Variants in GNA12 observed in about 807,000 individuals in gnomAD.
The protein encoded by GNA12 is G protein subunit alpha 12, also known as guanine nucleotide-binding protein subunit alpha-12.
A neutral mutation model predicts 26.0 loss-of-function variants in GNA12; 9 were observed. The ratio of observed to expected loss-of-function variants is 0.35; its 90% confidence interval spans 0.21 to 0.60. GNA12 has a LOEUF of 0.60. Among genes scored for constraint, GNA12 ranks in the 20% least tolerant of loss-of-function variants. The probability of loss-of-function intolerance (pLI) is 0.78; values close to 1 mark genes in which losing one functional copy is unlikely to be tolerated. For synonymous variants in GNA12, 264 were observed against 219.6 expected (o/e 1.20, Z -1.79); for missense variants, 405 against 525.8 (o/e 0.77, Z 2.25).
rs1792503645 is a variant in GNA12, at chr7:2,790,988, A to G, written c.525+3940T>C. 1.3e-5 allele frequency among the ~76,000 whole-genome samples: 2 copies of G among 152,090 alleles called. 1 individual carries two copies. The highest frequency in any genetic ancestry group is 4.2e-4 in the South Asian group (2 of 4,816). On this transcript the variant is annotated intron_variant, in intron 2 of 3. Transcript: ENST00000275364. ...GATTGTCCCTTTAAAAAAAAAAAAA[A>G]AAGGTAAAGAAATAAATGGTATACT... is the stretch of plus-strand genomic sequence containing the variant.
Position 2,744,248 on chromosome 7 carries a change from G to A in GNA12, c.526-10747C>T, listed in dbSNP as rs549561781. On this transcript the variant is annotated intron_variant, in intron 2 of 3. Coordinates refer to ENST00000275364, the MANE Select transcript of GNA12 (RefSeq NM_007353.3). ...TCAAGTGGGTCCCTGACCCTGAGTA[G>A]CCTAACTGGGAGGCACCCCCCAGTA... Among the ~76,000 whole-genome samples the A allele has an allele frequency of 9.8e-5, 15 of 152,346 alleles. No individual in the cohort carries two copies. In the East Asian group the frequency reaches 2.9e-3, roughly 29 times the overall value.
chr7:2,781,902 T>G (rs181728194), intron 2 of GNA12, among the ~76,000 whole-genome samples: 84 of 152,314 alleles, frequency 5.5e-4, no homozygotes, highest in African/African-American at 1.9e-3. Flanking sequence ...AGTTCCCACT[T>G]TGAAAACTTA....
chr7:2,735,127 G>C (rs557595059), intron 2 of GNA12, among the ~76,000 whole-genome samples: 109 of 152,142 alleles, frequency 7.2e-4, no homozygotes, highest in South Asian at 1.5e-3. Flanking sequence ...CCTGATTTAC[G>C]ACAAGTTCCT....
At chr7:2,737,280 T>TTTG (rs1562394909) in intron 2 of GNA12, among the ~76,000 whole-genome samples, 3 of 63,404 alleles carry the variant, frequency 4.7e-5, no homozygotes, top group Admixed American at 1.6e-4. Flanking sequence ...TTTTGTTTTT[T>TTTG]TTTTTTTTGT....
chr7:2,767,025 T>C (rs940107133), intron 2 of GNA12, among the ~76,000 whole-genome samples: 2 of 152,266 alleles, frequency 1.3e-5, no homozygotes, highest in African/African-American at 4.8e-5. Flanking sequence ...AGATGGCCAC[T>C]TGCTTATCCT....
At chr7:2,736,810 A>G (rs1186953610) in intron 2 of GNA12, among the ~76,000 whole-genome samples, 1 of 152,128 alleles carries the variant, frequency 6.6e-6, no homozygotes, top group Non-Finnish European at 1.5e-5. Context: ...CTCGCCCGTC[A>G]CCTCTGTCTC....
At chr7:2,752,650 AC>A (rs1791095419) in intron 2 of GNA12, among the ~76,000 whole-genome samples, 1 of 152,248 alleles carries the variant, frequency 6.6e-6, no homozygotes, top group Non-Finnish European at 1.5e-5. Flanking sequence ...TGTTTTACAT[AC>A]TGCCAATAAC....
chr7:2,755,107 G>A (rs900338359), intron 2 of GNA12, among the ~76,000 whole-genome samples: 2 of 152,168 alleles, frequency 1.3e-5, no homozygotes, highest in African/African-American at 4.8e-5. Flanking sequence ...GCGATCCACG[G>A]GTCTGTCCAG....
intron 1 of GNA12, among the ~76,000 whole-genome samples, chr7:2,801,405 C>G (rs1792805833): frequency 6.6e-6 from 1 of 152,300 alleles, no homozygotes; most frequent in Non-Finnish European, 1.5e-5. Flanking sequence ...ACGAAGACTG[C>G]AGGACTGCAC....
At chr7:2,794,372 T>C (rs1006723898) in intron 2 of GNA12, among the ~76,000 whole-genome samples, 5 of 152,034 alleles carry the variant, frequency 3.3e-5, no homozygotes, top group Non-Finnish European at 7.4e-5. Flanking sequence ...TTTTGAAAGG[T>C]AGAAAAAAAC....
chr7:2,741,703 T>C (rs1252448527), intron 2 of GNA12, among the ~76,000 whole-genome samples: 1 of 152,060 alleles, frequency 6.6e-6, no homozygotes, highest in African/African-American at 2.4e-5. Flanking sequence ...ATACACAGAC[T>C]TTTAAAAATC....
rs537351387 is a variant in GNA12, at chr7:2,835,643, C to A, written c.309+8210G>T. The A allele has an allele frequency of 1.6e-5, 14 of 860,090 alleles. No individual in the cohort carries two copies. The East Asian group carries it at 3.5e-4, about 22-fold the overall frequency. The allele number at this position is 860,090 out of a possible 1,614,324, so 53.3% of individuals were successfully genotyped here. On this transcript the variant is annotated intron_variant, in intron 1 of 3. Coordinates refer to ENST00000275364, the MANE Select transcript of GNA12 (RefSeq NM_007353.3). ...GAGATGGTGGCCACCATGAAGAAGA[C>A]GGCTGCAGAAGATGTCAATGTTACT...
chr7:2,809,327 G>A (rs1164493340), intron 1 of GNA12, among the ~76,000 whole-genome samples: 1 of 152,196 alleles, frequency 6.6e-6, no homozygotes, highest in Non-Finnish European at 1.5e-5. Context: ...CCTCATACCT[G>A]CAGTGAGGAG....
intron 1 of GNA12, among the ~76,000 whole-genome samples, chr7:2,806,498 A>C (rs1044133795): frequency 6.6e-6 from 1 of 151,728 alleles, no homozygotes; most frequent in Admixed American, 6.6e-5. Flanking sequence ...AAAAGAAGAA[A>C]GAACTTGTCT....
At chr7:2,748,513 G>A (rs1790875054) in intron 2 of GNA12, among the ~76,000 whole-genome samples, 1 of 152,068 alleles carries the variant, frequency 6.6e-6, no homozygotes, top group Non-Finnish European at 1.5e-5. Flanking sequence ...ATTAATTCAA[G>A]ATGGATTAAA....
chr7:2,780,082 A>G (rs1195798179), intron 2 of GNA12, among the ~76,000 whole-genome samples: 2 of 106,686 alleles, frequency 1.9e-5, no homozygotes, highest in African/African-American at 3.1e-5. Flanking sequence ...ATATATATAT[A>G]TATATATATA....
intron 1 of GNA12, among the ~76,000 whole-genome samples, chr7:2,836,364 A>G (rs912631599): frequency 4.6e-5 from 7 of 152,216 alleles, no homozygotes; most frequent in Non-Finnish European, 8.8e-5. Flanking sequence ...ATGTAACACA[A>G]CCAGCAAGTG....
intron 2 of GNA12, among the ~76,000 whole-genome samples, chr7:2,736,341 A>C (rs951358811): frequency 6.6e-6 from 1 of 152,166 alleles, no homozygotes; most frequent in Non-Finnish European, 1.5e-5. Context: ...AAAAACCTAC[A>C]CCACTCAAGA....
rs758775471 is a variant in GNA12, at chr7:2,789,919, C to T, written c.525+5009G>A. Among the ~76,000 whole-genome samples, 7 of 152,212 alleles carry T rather than the reference C, an allele frequency of 4.6e-5. No individual in the cohort carries two copies. The East Asian group carries it at 1.2e-3, about 25-fold the overall frequency. On this transcript the variant is annotated intron_variant, in intron 2 of 3. Coordinates refer to ENST00000275364, the MANE Select transcript of GNA12 (RefSeq NM_007353.3). ...TAGCTCACAGTGCACATAAAGCTAC[C>T]GCCTGTGTCAGTTTTTGGCTCACAA...
Sources: gnomAD v4.1 joint callset for allele counts (sites outside exome capture counted in the v4.1 genomes callset) on GRCh38, gnomAD v4.1.1 for gene constraint, MANE v1.5 for transcripts, NCBI Gene and HGNC (gene_info 2026-07-23, HGNC 2026-07-21) for gene names.